The following ASCC3 variants were observed in gnomAD, a reference collection of about 807,000 sequenced individuals.
ASCC3 encodes the protein ASC-1 complex subunit P200.
Under a neutral mutation model 256.3 loss-of-function variants are expected in ASCC3, and 158 were observed. The ratio of observed to expected loss-of-function variants is 0.62; its 90% CI spans 0.54 to 0.70. ASCC3 has a LOEUF of 0.70. Ranked by LOEUF, ASCC3 falls within the 30% of genes least tolerant of loss-of-function variation. The pLI, the probability that ASCC3 is intolerant of heterozygous loss-of-function variation, is 0.00. For synonymous variants in ASCC3, 948 were observed against 883.4 expected (o/e 1.07, Z -1.30); for missense variants, 2,259 against 2,626.0 (o/e 0.86, Z 3.05).
chr6:100,694,318 A>AG (rs1777976617), intron 13 of ASCC3, among the ~76,000 whole-genome samples: 1 of 151,648 alleles, frequency 6.6e-6, no homozygotes, highest in Admixed American at 6.6e-5. Context: ...AATTAAAAAA[A>AG]AAAAAAAAGC....
intron 1 of ASCC3, among the ~76,000 whole-genome samples, chr6:100,869,840 G>C (rs1773649462): frequency 6.6e-6 from 1 of 152,020 alleles, no homozygotes; most frequent in Admixed American, 6.6e-5. Context: ...AAACGTAGCT[G>C]GTGGCTCTAT....
intron 4 of ASCC3, among the ~76,000 whole-genome samples, chr6:100,821,169 C>T (rs1009598641): frequency 4.6e-5 from 7 of 152,102 alleles, no homozygotes; most frequent in Non-Finnish European, 5.9e-5. Flanking sequence ...TAGGTGCAAA[C>T]GAACACACTC....
At chr6:100,839,264 A>G (rs1772025552) in intron 4 of ASCC3, among the ~76,000 whole-genome samples, 3 of 152,158 alleles carry the variant, frequency 2.0e-5, no homozygotes, top group Admixed American at 2.0e-4. Flanking sequence ...AAACTTTGTT[A>G]GATACCTTTT....
intron 4 of ASCC3, among the ~76,000 whole-genome samples, chr6:100,811,383 C>A (rs939417312): frequency 2.6e-5 from 4 of 152,132 alleles, no homozygotes; most frequent in African/African-American, 9.7e-5. Context: ...AATAATACAA[C>A]AATCCCTCAG....
chr6:100,678,882 C>T (rs183800894), intron 14 of ASCC3, among the ~76,000 whole-genome samples: 11 of 152,220 alleles, frequency 7.2e-5, no homozygotes, highest in East Asian at 1.9e-4. Flanking sequence ...ACAAAACAGA[C>T]GGACATCTTT....
rs1409340806 is a variant in ASCC3 at position 100,540,294 on chromosome 6, G to A, written c.5644C>T (p.His1882Tyr). 6.2e-7 allele frequency: 1 copy of A among 1,613,650 alleles called. No homozygotes were observed. The highest frequency in any genetic ancestry group is 8.5e-7 in the Non-Finnish European group (1 of 1,179,884). Residue 1882 changes from histidine to tyrosine, a missense_variant, in exon 37 of 42, where the codon CAT becomes TAT. By Grantham distance (83) the His-to-Tyr change is moderately conservative (BLOSUM62 2). This residue lies in a region of ASCC3 where 1,839 missense variants were observed against 2,206.7 expected (regional missense o/e 0.83). Transcript: ENST00000369162. Reference protein sequence around the residue: ...AKCLPIESNPHSFDSPHTKAH... With the variant: ...AKCLPIESNPYSFDSPHTKAH... ...TTGGTGTGAGGGCTGTCAAATGAAT[G>A]AGGATTTGATTCAATGGGAAGACAT...
At chr6:100,511,698 G>A (rs1293943841) in intron 40 of ASCC3, among the ~76,000 whole-genome samples, 1 of 152,078 alleles carries the variant, frequency 6.6e-6, no homozygotes, top group East Asian at 1.9e-4. Flanking sequence ...GGGCGACACA[G>A]TGAGACTTCG....
intron 36 of ASCC3, among the ~76,000 whole-genome samples, chr6:100,572,651 CATA>C (rs1770654942): frequency 6.6e-6 from 1 of 152,006 alleles, no homozygotes; most frequent in Admixed American, 6.6e-5. Context: ...AGGAGATAAA[CATA>C]ATGACTTGTT....
In ASCC3 at chr6:100,848,698, T is replaced by A; in HGVS notation, c.251A>T (p.Asp84Val). ...LHAAKQIVGT[D>V]NGREAIESGA... ...ACTTTCAATTGCTTCTCTCCCATTATCAGTTCCAACTATTCAAAGACAAAA... is the reference window on the plus strand; with the variant it reads ...ACTTTCAATTGCTTCTCTCCCATTAACAGTTCCAACTATTCAAAGACAAAA... Residue 84 changes from aspartate to valine, a missense_variant, in exon 4 of 42, where the codon GAT becomes GTT. Asp to Val is a radical substitution (Grantham distance 152). Transcript: ENST00000369162. 6.2e-7 allele frequency: 1 copy of A among 1,612,068 alleles called. No homozygotes were observed. Among genetic ancestry groups the A allele is most frequent in the Non-Finnish European group, 8.5e-7 (1 of 1,179,970 alleles).
intron 37 of ASCC3, among the ~76,000 whole-genome samples, chr6:100,535,470 T>TG (rs1459057160): frequency 6.9e-6 from 1 of 144,702 alleles, no homozygotes; most frequent in Non-Finnish European, 1.5e-5. Context: ...TTTCGTGTTT[T>TG]TTTTTTTTTT....
intron 14 of ASCC3, among the ~76,000 whole-genome samples, chr6:100,675,125 CA>C (rs1027486994): frequency 2.9e-4 from 35 of 121,320 alleles, no homozygotes; most frequent in African/African-American, 1.1e-3. Context: ...ATTAAGCAAA[CA>C]GTTGTTTTTT....
intron 36 of ASCC3, among the ~76,000 whole-genome samples, chr6:100,574,092 T>C (rs1770736876): frequency 6.6e-6 from 1 of 152,124 alleles, no homozygotes; most frequent in Non-Finnish European, 1.5e-5. Context: ...AGCTTATCCC[T>C]TTGTTTTCAT....
intron 8 of ASCC3, among the ~76,000 whole-genome samples, chr6:100,783,622 T>C (rs955934241): frequency 3.3e-5 from 5 of 152,126 alleles, no homozygotes; most frequent in Non-Finnish European, 7.4e-5. Context: ...ACCTCCACAT[T>C]GTAACGTTTA....
At chr6:100,725,300 A>T (rs1464431589) in intron 11 of ASCC3, among the ~76,000 whole-genome samples, 1 of 152,000 alleles carries the variant, frequency 6.6e-6, no homozygotes, top group East Asian at 1.9e-4. Context: ...AATGGTTAAC[A>T]GAAAATATCT....
At chr6:100,545,397 C>T (rs886295328) in intron 36 of ASCC3, among the ~76,000 whole-genome samples, 3 of 152,114 alleles carry the variant, frequency 2.0e-5, no homozygotes, top group South Asian at 2.1e-4. Context: ...AGGATGGTCT[C>T]GATCTCTTGA....
intron 37 of ASCC3, among the ~76,000 whole-genome samples, chr6:100,522,069 C>A (rs1774340447): frequency 6.6e-6 from 1 of 152,086 alleles, no homozygotes; most frequent in Non-Finnish European, 1.5e-5. Context: ...GATAAATTAT[C>A]CTTGACATTC....
chr6:100,846,856 TATG>T (rs1337692431), intron 4 of ASCC3, among the ~76,000 whole-genome samples: 1 of 152,194 alleles, frequency 6.6e-6, no homozygotes, highest in Non-Finnish European at 1.5e-5. Flanking sequence ...TTATAATACC[TATG>T]ATATTTCAGT....
At chr6:100,735,368 T>A (rs1199446380) in intron 10 of ASCC3, among the ~76,000 whole-genome samples, 1 of 152,218 alleles carries the variant, frequency 6.6e-6, no homozygotes, top group Non-Finnish European at 1.5e-5. Flanking sequence ...GGGGTACTTT[T>A]ATTATCTTTA....
chr6:100,777,480 A>G (rs1782245562), intron 8 of ASCC3, among the ~76,000 whole-genome samples: 1 of 151,848 alleles, frequency 6.6e-6, no homozygotes, highest in Non-Finnish European at 1.5e-5. Context: ...GAAGACAAAA[A>G]AAAATCAACA....
Sources: allele counts gnomAD v4.1 joint callset (sites outside exome capture counted in the v4.1 genomes callset), GRCh38; gene constraint gnomAD v4.1.1; regional missense constraint gnomAD v4.1.1; transcripts MANE v1.5; gene names NCBI Gene and HGNC (gene_info 2026-07-23, HGNC 2026-07-21).